The following CELF2 variants were observed in gnomAD, a reference collection of about 807,000 sequenced individuals.
The protein encoded by CELF2 is CUGBP Elav-like family member 2.
In CELF2, 8 loss-of-function variants were observed where a neutral mutation model predicts 62.6. That is an observed-to-expected ratio of 0.13 (90% CI 0.07 to 0.23). The LOEUF is 0.23. CELF2 is among the 10% of genes least tolerant of loss of function. The pLI is 1.00. For missense variants in CELF2, 333 were observed against 671.0 expected (o/e 0.50, Z 5.56); for synonymous variants, 258 against 250.0 (o/e 1.03, Z -0.30).
intron 1 of CELF2, among the ~76,000 whole-genome samples, chr10:11,116,305 T>G (rs1281579181): frequency 6.6e-6 from 1 of 152,210 alleles, no homozygotes; most frequent in Non-Finnish European, 1.5e-5. Flanking sequence ...TTTTAAAACC[T>G]AATCACCAGA....
At chr10:11,219,894 G>C (rs1430918826) in intron 3 of CELF2, among the ~76,000 whole-genome samples, 1 of 152,218 alleles carries the variant, frequency 6.6e-6, no homozygotes, top group Non-Finnish European at 1.5e-5. Flanking sequence ...CCACTGTGAT[G>C]TGAAGGCACA....
intron 1 of CELF2, among the ~76,000 whole-genome samples, chr10:10,840,011 G>A (rs781343822): frequency 3.9e-5 from 6 of 152,120 alleles, no homozygotes; most frequent in Non-Finnish European, 5.9e-5. Flanking sequence ...ACAGAGTTTT[G>A]TCTATGTATT....
chr10:11,271,588 A>T (rs949670594), intron 7 of CELF2, among the ~76,000 whole-genome samples: 1 of 152,178 alleles, frequency 6.6e-6, no homozygotes, highest in Non-Finnish European at 1.5e-5. Flanking sequence ...TTTTACTCGA[A>T]TTACTGCTAA....
At chr10:11,151,832 A>G (rs1353277340) in intron 1 of CELF2, among the ~76,000 whole-genome samples, 2 of 152,324 alleles carry the variant, frequency 1.3e-5, no homozygotes, top group Non-Finnish European at 2.9e-5. Flanking sequence ...TGTCTGGTTT[A>G]AACCATTTCT....
intron 2 of CELF2, among the ~76,000 whole-genome samples, chr10:11,166,473 G>C (rs2067230462): frequency 6.6e-6 from 1 of 152,202 alleles, no homozygotes; most frequent in African/African-American, 2.4e-5. Context: ...TACTTTGTAA[G>C]CTCTTTGCAG....
At chr10:10,698,007 TGGTCTGGAA>T in the CELF2 span, among the ~76,000 whole-genome samples, 2 of 152,190 alleles carry the variant, frequency 1.3e-5, no homozygotes, top group Non-Finnish European at 2.9e-5. Flanking sequence ...TTGGCCAGGC[TGGTCTGGAA>T]CTCCTGACCT....
intron 1 of CELF2, among the ~76,000 whole-genome samples, chr10:11,085,298 G>T (rs1237795233): frequency 1.3e-5 from 2 of 152,160 alleles, no homozygotes; most frequent in South Asian, 2.1e-4. Flanking sequence ...TTGTTCAGTG[G>T]CTGGCCTGGG....
At chr10:10,662,070 G>A in the CELF2 span, among the ~76,000 whole-genome samples, 1 of 152,082 alleles carries the variant, frequency 6.6e-6, no homozygotes. Context: ...TCCCTGGAGA[G>A]GAGAACAGCT....
At chr10:11,219,680 C>A (rs2064263831) in intron 3 of CELF2, among the ~76,000 whole-genome samples, 2 of 152,314 alleles carry the variant, frequency 1.3e-5, no homozygotes, top group South Asian at 2.1e-4. Context: ...GTACACATTA[C>A]CCTTAACAGC....
intron 1 of CELF2, among the ~76,000 whole-genome samples, chr10:11,124,940 T>C (rs2058417659): frequency 6.6e-6 from 1 of 152,184 alleles, no homozygotes; most frequent in Admixed American, 6.6e-5. Flanking sequence ...AAAATGTTGG[T>C]TGAAGTTTTC....
chr10:10,910,454 G>T (rs548609406), intron 1 of CELF2, among the ~76,000 whole-genome samples: 9 of 152,074 alleles, frequency 5.9e-5, no homozygotes, highest in Non-Finnish European at 1.2e-4. Flanking sequence ...CAACACTTTG[G>T]GAGGCCGAGG....
At chr10:10,734,859 C>T in the CELF2 span, among the ~76,000 whole-genome samples, 9 of 152,280 alleles carry the variant, frequency 5.9e-5, no homozygotes, top group East Asian at 1.9e-4. Flanking sequence ...TCTAAGTGTC[C>T]GGCAAACTGG....
chr10:10,785,015 A>T, the CELF2 span, among the ~76,000 whole-genome samples: 1 of 152,182 alleles, frequency 6.6e-6, no homozygotes, highest in Non-Finnish European at 1.5e-5. Flanking sequence ...GAAAGTGCTT[A>T]ATTATATAGT....
In CELF2 at chr10:10,931,158, C is replaced by T. The variant is rs1325025985; in HGVS notation, c.89+11159C>T. The stretch of plus-strand genomic sequence containing the variant: ...GTTTCTATTATGTATTTTCCTTTTC[C>T]TTCTTTCTGGCGAATACGCAGTTTT... On this transcript the variant is annotated intron_variant, in intron 2 of 13. Transcript: ENST00000636488. The surrounding 1 kb of genome is among the most constrained non-coding windows in gnomAD (Gnocchi z 6.1). Among the ~76,000 whole-genome samples the T allele has an allele frequency of 2.0e-5, 3 of 152,008 alleles. No homozygotes were observed. The highest frequency in any genetic ancestry group is 7.2e-5 in the African/African-American group (3 of 41,384).
chr10:10,463,260 G>A, the CELF2 span, among the ~76,000 whole-genome samples: 1 of 152,116 alleles, frequency 6.6e-6, no homozygotes, highest in East Asian at 1.9e-4. Context: ...AATTCAACAA[G>A]TATTTCTGTG....
At chr10:10,579,594 G>A in the CELF2 span, among the ~76,000 whole-genome samples, 226 of 152,196 alleles carry the variant, frequency 1.5e-3, no homozygotes, top group African/African-American at 5.0e-3. Flanking sequence ...CTAAAATAAA[G>A]TCTTCCCTCC....
chr10:10,515,544 T>C, the CELF2 span, among the ~76,000 whole-genome samples: 1 of 152,208 alleles, frequency 6.6e-6, no homozygotes, highest in Non-Finnish European at 1.5e-5. Context: ...AAAGGATCAT[T>C]TGAACTCAAA....
chr10:10,677,006 CA>C, the CELF2 span, among the ~76,000 whole-genome samples: 1 of 152,228 alleles, frequency 6.6e-6, no homozygotes, highest in South Asian at 2.1e-4. Context: ...CATTTATTAA[CA>C]ATGTAAAGTC....
intron 1 of CELF2, among the ~76,000 whole-genome samples, chr10:10,821,893 G>A (rs1209145878): frequency 6.6e-6 from 1 of 152,042 alleles, no homozygotes; most frequent in Admixed American, 6.6e-5. Flanking sequence ...CTCCTGCCTC[G>A]GCCTCCCAAA....
Sources: allele counts gnomAD v4.1 joint callset (sites outside exome capture counted in the v4.1 genomes callset), GRCh38; gene constraint gnomAD v4.1.1; non-coding constraint Gnocchi (gnomAD v3.1); transcripts MANE v1.5; gene names NCBI Gene and HGNC (gene_info 2026-07-23, HGNC 2026-07-21).